The following ATG2B variants were observed in gnomAD, a reference collection of about 807,000 sequenced individuals.
ATG2B encodes the protein autophagy-related protein 2 homolog B.
Under a neutral mutation model 241.3 loss-of-function variants are expected in ATG2B, and 121 were observed. The ratio of observed to expected loss-of-function variants is 0.50; its 90% CI spans 0.43 to 0.58. The LOEUF (loss-of-function observed/expected upper bound fraction) is 0.58, where lower values mean the gene tolerates loss of function less well. Ranked by LOEUF, ATG2B falls within the 20% of genes least tolerant of loss-of-function variation. The pLI, the probability that ATG2B is intolerant of heterozygous loss-of-function variation, is 0.00. For synonymous variants in ATG2B, 858 were observed against 876.6 expected, an observed-to-expected ratio of 0.98 and a Z score of 0.37; for missense variants, 2,306 against 2,491.6, an observed-to-expected ratio of 0.93 and a Z score of 1.59.
In ATG2B at chr14:96,290,530, A is replaced by T; in HGVS notation, c.5762T>A (p.Ile1921Asn). The T allele has an allele frequency of 6.2e-7, 1 of 1,614,214 alleles. No individual in the cohort carries two copies. The highest frequency in any genetic ancestry group is 8.5e-7 in the Non-Finnish European group (1 of 1,180,036). The change falls in exon 40 of 42, where the codon ATT (isoleucine) becomes AAT (asparagine). Residue 1921 changes from isoleucine to asparagine, a missense_variant. Physicochemically the swap from Ile to Asn is moderately radical, Grantham distance 149 (BLOSUM62 -3). This residue lies in a region of ATG2B where 379 missense variants were observed against 480.4 expected (regional missense o/e 0.79). Transcript: ENST00000359933. This position sits in a 1 kb window ranked among gnomAD's most constrained non-coding sequence, Gnocchi z 4.4. ...AGCGCCTCTCTGAAACCCTCTGACA[A>T]TGCGGCCATCCTTCCGGTACTGCTC... ...PIEQYRKDGRIVRGFQRGAAS... is the reference protein window; with the variant it reads ...PIEQYRKDGRNVRGFQRGAAS...
rs748005406 is a variant in ATG2B at position 96,290,396 on chromosome 14, T to C, written c.5856+40A>G. On this transcript the variant is annotated intron_variant, in intron 40 of 41. Coordinates refer to ENST00000359933, the MANE Select transcript of ATG2B (RefSeq NM_018036.7). This position sits in a 1 kb window ranked among gnomAD's most constrained non-coding sequence, Gnocchi z 4.4. ...ACAAAAGGACCCAACCATTTCACAA[T>C]GGCTCTTTTTGGATAGACTAAGGCA... 5.7e-6 allele frequency: 9 copies of C among 1,588,644 alleles called. No homozygotes were observed. In the South Asian group the frequency reaches 9.1e-5, roughly 16 times the overall value.
chr14:96,303,514 T>C (rs1025105845), intron 32 of ATG2B, among the ~76,000 whole-genome samples: 3 of 152,176 alleles, frequency 2.0e-5, no homozygotes, highest in Non-Finnish European at 4.4e-5. Context: ...TCCAAAAATA[T>C]TTCAGTATTT....
At chr14:96,305,051 A>G (rs1886900413) in intron 31 of ATG2B, among the ~76,000 whole-genome samples, 1 of 152,086 alleles carries the variant, frequency 6.6e-6, no homozygotes, top group African/African-American at 2.4e-5. Flanking sequence ...ATAGTGTCAA[A>G]TGTTACTGCT....
At chr14:96,296,588 C>CGT (rs1886646574) in intron 34 of ATG2B, among the ~76,000 whole-genome samples, 1 of 151,792 alleles carries the variant, frequency 6.6e-6, no homozygotes, top group East Asian at 1.9e-4. Flanking sequence ...AGTGAAATCC[C>CGT]GTCTCTACTA....
Position 96,317,208 on chromosome 14 carries a change from C to T in ATG2B, c.3147G>A (p.Gln1049=), listed in dbSNP as rs1887338297. The stretch of plus-strand genomic sequence containing the variant: ...TATTCAGAAGAACTGAGAGAAAACT[C>T]TGAGAGTTCTTGTTCTGAGAGTCTA... The part of the protein sequence containing the change: ...KKLDSQNKNS[Q]SFLSVLLNIN... The change falls in exon 20 of 42, where the codon CAG becomes CAA. Residue 1049 remains glutamine (Q), a synonymous_variant. Coordinates refer to ENST00000359933, the MANE Select transcript of ATG2B (RefSeq NM_018036.7). 1.2e-6 allele frequency: 2 copies of T among 1,613,890 alleles called. No homozygotes were observed. Among genetic ancestry groups the T allele is most frequent in the African/African-American group, 2.7e-5 (2 of 75,042 alleles).
At chr14:96,311,343 C>A in intron 27 of ATG2B, 56 bp from the exon 28 acceptor site, 2 of 1,513,994 alleles carry the variant, frequency 1.3e-6, no homozygotes, top group African/African-American at 2.8e-5. Flanking sequence ...ACAAAAGTTT[C>A]TTTTTTTGCA....
At chr14:96,297,388 C>T (rs1190821721) in intron 34 of ATG2B, among the ~76,000 whole-genome samples, 41 of 151,788 alleles carry the variant, frequency 2.7e-4, no homozygotes, top group South Asian at 2.1e-4. Flanking sequence ...TAATCACCAG[C>T]TTTTTTTGTT....
chr14:96,325,666 G>T lies in ATG2B; in HGVS notation c.2420C>A (p.Thr807Asn), dbSNP rs780998592. ...STPEQIKLEL[T>N]FRELIGSFQE... ...AATCTTACCAATTAGTTCTCTAAAG[G>T]TAAGTTCCAATTTAATTTGTTCTGG... is the stretch of plus-strand genomic sequence containing the variant. The change falls in exon 15 of 42, where the codon ACC (threonine) becomes AAC (asparagine). Residue 807 changes from threonine to asparagine, a missense_variant. By Grantham distance (65) the Thr-to-Asn change is moderately conservative. This residue lies in a region of ATG2B where 1,927 missense variants were observed against 2,011.2 expected (regional missense o/e 0.96). Coordinates refer to ENST00000359933, the MANE Select transcript of ATG2B (RefSeq NM_018036.7). The T allele has an allele frequency of 1.6e-5, 25 of 1,612,754 alleles. No individual in the cohort carries two copies. In the East Asian group the frequency reaches 5.4e-4, roughly 35 times the overall value.
At chr14:96,333,895 C>G (rs777390411) in intron 7 of ATG2B, 22 bp from the exon 8 acceptor site, 1 of 1,593,724 alleles carries the variant, frequency 6.3e-7, no homozygotes, top group African/African-American at 1.3e-5. Flanking sequence ...CAAAAGGAAA[C>G]CAAAACAGTA....
In ATG2B at chr14:96,290,075, G is replaced by A. The variant is rs1296519668; in HGVS notation, c.5857-270C>T. 5 of 1,193,354 alleles carry A rather than the reference G, an allele frequency of 4.2e-6. No homozygotes were observed. Among genetic ancestry groups the A allele is most frequent in the Non-Finnish European group, 4.3e-6 (4 of 926,516 alleles). The allele number at this position is 1,193,354 out of a possible 1,614,324, so 73.9% of individuals were successfully genotyped here. A position where few individuals can be genotyped will look rare whatever the true frequency, so the allele number is the denominator to read the frequency against. On this transcript the variant is annotated intron_variant, in intron 40 of 41. Coordinates refer to ENST00000359933, the MANE Select transcript of ATG2B (RefSeq NM_018036.7). This position sits in a 1 kb window ranked among gnomAD's most constrained non-coding sequence, Gnocchi z 4.4. ...GAGAACACTCAACATTTCCACATCA[G>A]TCTATGGAGCTTAATACTTACTAGA...
intron 29 of ATG2B, among the ~76,000 whole-genome samples, chr14:96,308,231 CAT>C (rs1181364234): frequency 0.048 from 852 of 17,582 alleles, 41 homozygotes; most frequent in East Asian, 0.081. Context: ...TATATATATA[CAT>C]ATATATATAT....
At position 96,295,096 on chromosome 14, in the gene ATG2B, G is replaced by T. The variant is rs756685779; in HGVS notation, c.5290C>A (p.Leu1764Met). 2 of 1,614,160 alleles carry T rather than the reference G, an allele frequency of 1.2e-6. No homozygotes were observed. Among genetic ancestry groups the T allele is most frequent in the East Asian group, 4.5e-5 (2 of 44,882 alleles). Residue 1764 changes from leucine (L) to methionine (M), a missense_variant, in exon 36 of 42, where the codon CTG becomes ATG. Around this residue, in one of 2 missense-constraint regions of ATG2B, gnomAD observed 379 missense variants for 480.4 expected, o/e 0.79. Transcript: ENST00000359933. Reference sequence around the variant, plus strand: ...TTTGGCCCAGAGAAAGAAATAACCAGATTTGGCTCCTTTGAGGTACTCAAA... The same window carrying T: ...TTTGGCCCAGAGAAAGAAATAACCATATTTGGCTCCTTTGAGGTACTCAAA... The part of the protein sequence containing the change: ...RHLSTSKEPN[L>M]VISFSGPKQP...
At chr14:96,297,262 ACAGCAAATTTT>A (rs891289439) in intron 34 of ATG2B, among the ~76,000 whole-genome samples, 20 of 151,982 alleles carry the variant, frequency 1.3e-4, no homozygotes, top group African/African-American at 4.8e-4. Flanking sequence ...CTTCAAAAAA[ACAGCAAATTTT>A]CAGGTATCAA....
chr14:96,315,390 A>G lies in ATG2B; in HGVS notation c.3555T>C (p.Asn1185=), dbSNP rs1887279944. 3 of 1,613,940 alleles carry G rather than the reference A, an allele frequency of 1.9e-6. No homozygotes were observed. Among genetic ancestry groups the G allele is most frequent in the East Asian group, 2.2e-5 (1 of 44,882 alleles). Residue 1185 remains asparagine, a synonymous_variant, in exon 22 of 42, where the codon AAT becomes AAC. Coordinates refer to ENST00000359933, the MANE Select transcript of ATG2B (RefSeq NM_018036.7). ...AAAAGTACAAAACACAAACCTTTGT[A>G]TTGGACTCTGATTTATCAGACAATA... ...VKILSDKSES[N]TKEFLIAVGL...
Position 96,315,590 on chromosome 14 carries a change from A to G in ATG2B, c.3362-7T>C. On this transcript the variant is annotated splice_polypyrimidine_tract_variant and splice_region_variant and intron_variant, in intron 21 of 41. Transcript: ENST00000359933. ...ATCACTCCATTCACTATGCCTAGAG[A>G]TCCACATTGAGGTAAAAATAGTAAC... The G allele has an allele frequency of 6.2e-7, 1 of 1,606,930 alleles. No homozygotes were observed. The highest frequency in any genetic ancestry group is 8.5e-7 in the Non-Finnish European group (1 of 1,174,140).
rs1887025892 is a variant in ATG2B at position 96,308,244 on chromosome 14, ATATAT to A, written c.4303+1204_4303+1208del. 4.5e-4 allele frequency among the ~76,000 whole-genome samples: 6 copies of A among 13,352 alleles called. 1 individual carries two copies. In the South Asian group the frequency reaches 6.8e-3, roughly 15 times the overall value. 8.8% of individuals were successfully genotyped at this position (13,352 alleles called of 152,430 possible). A position where few individuals can be genotyped will look rare whatever the true frequency, so the allele number is the denominator to read the frequency against. ...AATATATATATACATATATATATAT[ATATAT>A]ATACACACATATATATATATATATA... On this transcript the variant is annotated intron_variant, in intron 29 of 41. Transcript: ENST00000359933.
At chr14:96,295,370 C>A in intron 35 of ATG2B, 112 bp downstream of exon 35, 2 of 869,982 alleles carry the variant, frequency 2.3e-6, no homozygotes, top group Non-Finnish European at 3.5e-6. Context: ...ACACAGAACA[C>A]ATTTATGTAA....
chr14:96,295,006 A>G lies in ATG2B; in HGVS notation c.5380T>C (p.Phe1794Leu), dbSNP rs1394436116. The change falls in exon 36 of 42, where the codon TTC becomes CTC. Residue 1794 changes from phenylalanine to leucine, a missense_variant. Transcript: ENST00000359933. ...CTAAAAGATGCTTCTTCAGCAGAGA[A>G]GTTCTTCTCTTCCATGCCATTAACC... ...EVVNGMEEKN[F>L]SAEEASFRDQ... is the part of the protein sequence containing the mutation. 6.2e-7 allele frequency: 1 copy of G among 1,614,094 alleles called. No individual in the cohort carries two copies. Among genetic ancestry groups the G allele is most frequent in the Non-Finnish European group, 8.5e-7 (1 of 1,180,032 alleles).
At position 96,324,951 on chromosome 14, in the gene ATG2B, G is replaced by A. The variant is rs144040937; in HGVS notation, c.2437+698C>T. ...GAGGGTGTCGTGGCAGAGGCAGGTG[G>A]TCTAGGAACCACAGGATAAAAGGTT... is the stretch of plus-strand genomic sequence containing the variant. On this transcript the variant is annotated intron_variant, in intron 15 of 41. Transcript: ENST00000359933. Among the ~76,000 whole-genome samples the A allele has an allele frequency of 2.4e-3, 361 of 152,282 alleles. 3 individuals are homozygous for A. Among genetic ancestry groups the A allele is most frequent in the African/African-American group, 8.0e-3 (334 of 41,558 alleles).
Sources: gnomAD v4.1 joint callset for allele counts (sites outside exome capture counted in the v4.1 genomes callset) on GRCh38, gnomAD v4.1.1 for gene constraint, gnomAD v4.1.1 regional missense constraint, Gnocchi (gnomAD v3.1) non-coding constraint, MANE v1.5 for transcripts, NCBI Gene and HGNC (gene_info 2026-07-23, HGNC 2026-07-21) for gene names.